The following PLA2G4E variants were observed in gnomAD, a reference collection of about 807,000 sequenced individuals.
The protein encoded by PLA2G4E is cytosolic phospholipase A2 epsilon.
Under a neutral mutation model 109.1 loss-of-function variants are expected in PLA2G4E, and 84 were observed. The ratio of observed to expected loss-of-function variants is 0.77; its 90% CI spans 0.65 to 0.92. PLA2G4E has a LOEUF of 0.92. Among genes scored for constraint, PLA2G4E ranks in the 40% least tolerant of loss-of-function variants. The pLI, the probability that PLA2G4E is intolerant of heterozygous loss-of-function variation, is 0.00. For synonymous variants in PLA2G4E, 469 were observed against 436.1 expected (o/e 1.08, Z -0.94); for missense variants, 1,057 against 1,076.6 (o/e 0.98, Z 0.25).
chr15:42,010,553 G>A (rs7182446), intron 2 of PLA2G4E, among the ~76,000 whole-genome samples: 18,627 of 152,170 alleles, frequency 0.12, 1,376 homozygotes, highest in South Asian at 0.3. Context: ...GATTTCCTAG[G>A]CACAGATAAG....
At chr15:41,992,907 G>T (rs552029346) in exon 13 of PLA2G4E, 6 of 1,613,956 alleles carry the variant, frequency 3.7e-6, no homozygotes, top group Non-Finnish European at 5.1e-6. Flanking sequence ...AAGATAGCAG[G>T]CTCCAAGTTT....
At chr15:41,994,188 T>C (rs1668584) in intron 12 of PLA2G4E, among the ~76,000 whole-genome samples, 143,881 of 152,378 alleles carry the variant, frequency 0.94, 68,110 homozygotes, top group African/African-American at 0.98. Context: ...ACAATGCCTC[T>C]CTCATAGTTT....
chr15:42,012,421 T>C (rs913181190), intron 2 of PLA2G4E, among the ~76,000 whole-genome samples: 4 of 152,208 alleles, frequency 2.6e-5, no homozygotes, highest in African/African-American at 7.2e-5. Context: ...TAGGCAATCA[T>C]TAACCTCTTG....
chr15:42,010,139 C>CCCT (rs267604201), intron 2 of PLA2G4E: 18 of 476,700 alleles, frequency 3.8e-5, no homozygotes, highest in Admixed American at 1.6e-4. Context: ...CTGGCCCCCC[C>CCCT]ACCCCGGGCC....
chr15:41,984,629 C>A lies in PLA2G4E; in HGVS notation c.2203-10G>T. On this transcript the variant is annotated splice_polypyrimidine_tract_variant and intron_variant, in intron 18 of 19. Transcript: ENST00000399518. ...AGGTTTGTTTCAGGGGCTGGAACAG[C>A]ACAGAGGGCGTGTTTGAGCATTAGG... is the stretch of plus-strand genomic sequence containing the variant. 2.5e-6 allele frequency: 4 copies of A among 1,578,068 alleles called. No individual in the cohort carries two copies. Among genetic ancestry groups the A allele is most frequent in the Non-Finnish European group, 3.5e-6 (4 of 1,155,296 alleles).
chr15:42,020,412 G>A lies in PLA2G4E; in HGVS notation c.184-6655C>T, dbSNP rs115575562. 8.7e-3 allele frequency among the ~76,000 whole-genome samples: 1,327 copies of A among 152,296 alleles called. 22 individuals are homozygous for A. Among genetic ancestry groups the A allele is most frequent in the African/African-American group, 0.03 (1,266 of 41,556 alleles). On this transcript the variant is annotated intron_variant, in intron 1 of 19. Transcript: ENST00000399518. ...GGCAACCTGATCCATGAACCCAGAG[G>A]TCTCCCTGTGAGGCTGTGAGGAGTT... is the stretch of plus-strand genomic sequence containing the variant.
At chr15:41,983,892 C>T (rs2068097864) in exon 20 of PLA2G4E, 2 of 1,613,488 alleles carry the variant, frequency 1.2e-6, no homozygotes, top group South Asian at 2.2e-5. Flanking sequence ...CTGTGTATGT[C>T]AGCTCCTTGG....
At chr15:42,002,002 T>G (rs1309357047) in intron 6 of PLA2G4E, among the ~76,000 whole-genome samples, 1 of 152,102 alleles carries the variant, frequency 6.6e-6, no homozygotes, top group Non-Finnish European at 1.5e-5. Context: ...TATGAAACAA[T>G]TTTTAATACA....
At chr15:42,013,578 TGC>T in intron 2 of PLA2G4E, 105 bp downstream of exon 2, 2 of 1,067,388 alleles carry the variant, frequency 1.9e-6, no homozygotes, top group Non-Finnish European at 2.8e-6. Context: ...CGTGCACACG[TGC>T]GCGCGCACAC....
At chr15:42,042,116 T>C (rs1421140342) in intron 1 of PLA2G4E, among the ~76,000 whole-genome samples, 3 of 152,178 alleles carry the variant, frequency 2.0e-5, no homozygotes, top group Non-Finnish European at 4.4e-5. Flanking sequence ...GCATCAGAAA[T>C]TGGAAACAAC....
chr15:42,034,690 G>C (rs899620483), intron 1 of PLA2G4E, among the ~76,000 whole-genome samples: 2 of 152,194 alleles, frequency 1.3e-5, no homozygotes, highest in African/African-American at 4.8e-5. Flanking sequence ...TTGAGAAAGA[G>C]AGAGAAGAAG....
At position 42,003,853 on chromosome 15, in the gene PLA2G4E, C is replaced by T. The variant is rs561716919; in HGVS notation, c.566+1085G>A. Among the ~76,000 whole-genome samples the T allele has an allele frequency of 7.3e-5, 11 of 149,754 alleles. 1 individual carries two copies. In the South Asian group the frequency reaches 1.7e-3, roughly 23 times the overall value. On this transcript the variant is annotated intron_variant, in intron 5 of 19. Coordinates refer to ENST00000399518, the Ensembl canonical transcript of PLA2G4E. ...ACAGGGCACTCTGCCCGGCCTGAGG[C>T]GGGGGTTGCCTTTCTTTCTTTCTTT...
At chr15:41,990,181 G>A in exon 14 of PLA2G4E, 1 of 1,613,678 alleles carries the variant, frequency 6.2e-7, no homozygotes, top group East Asian at 2.2e-5. Context: ...ATGGGCAGGG[G>A]GTTCTGGCCG....
At chr15:42,043,040 G>C (rs1305664073) in intron 1 of PLA2G4E, among the ~76,000 whole-genome samples, 4 of 152,212 alleles carry the variant, frequency 2.6e-5, no homozygotes, top group Non-Finnish European at 5.9e-5. Flanking sequence ...AAGGTAATAA[G>C]CTTCCATTCT....
chr15:42,004,807 G>C (rs1312790319), intron 5 of PLA2G4E, 131 bp downstream of exon 5: 1 of 969,342 alleles, frequency 1.0e-6, no homozygotes, highest in Non-Finnish European at 1.6e-6. Flanking sequence ...TGAAGAGTCA[G>C]GGTTAGTGCC....
chr15:41,997,327 G>T (rs1199195357), intron 10 of PLA2G4E, 68 bp from the exon 11 acceptor site: 4 of 1,411,170 alleles, frequency 2.8e-6, no homozygotes, highest in Non-Finnish European at 3.7e-6. Context: ...ACAGCTTCAG[G>T]GTCCATTGGA....
At chr15:42,029,305 AG>A (rs1303172822) in intron 1 of PLA2G4E, among the ~76,000 whole-genome samples, 9 of 152,108 alleles carry the variant, frequency 5.9e-5, no homozygotes, top group African/African-American at 2.2e-4. Context: ...CATGTTGCCC[AG>A]GCCAGTCTCA....
At chr15:42,004,938 C>A (rs1295946998) in exon 5 of PLA2G4E, 1 of 1,613,294 alleles carries the variant, frequency 6.2e-7, no homozygotes, top group Admixed American at 1.7e-5. Flanking sequence ...GCCTACTCAC[C>A]TCTCCTCCAG....
chr15:41,987,060 C>T (rs1035495525), intron 17 of PLA2G4E, 112 bp downstream of exon 17: 2 of 1,096,410 alleles, frequency 1.8e-6, no homozygotes, highest in Non-Finnish European at 2.7e-6. Context: ...GTGCCTGGCC[C>T]AGTGAACATA....
Sources: allele counts gnomAD v4.1 joint callset (sites outside exome capture counted in the v4.1 genomes callset), GRCh38; gene constraint gnomAD v4.1.1; transcripts MANE v1.5; gene names NCBI Gene and HGNC (gene_info 2026-07-23, HGNC 2026-07-21).